GMDS: variants seen among roughly 807,000 people sequenced by gnomAD.
GMDS encodes the protein GDP-mannose 4,6 dehydratase.
A neutral mutation model predicts 49.9 loss-of-function variants in GMDS; 20 were observed. That is an observed-to-expected ratio of 0.40 (90% CI 0.28 to 0.58). The LOEUF (loss-of-function observed/expected upper bound fraction) is 0.58. Among genes scored for constraint, GMDS ranks in the 20% least tolerant of loss-of-function variants. The pLI, the probability that GMDS is intolerant of heterozygous loss-of-function variation, is 0.42. For missense variants in GMDS, 362 were observed against 481.4 expected, an observed-to-expected ratio of 0.75 and a Z score of 2.32; for synonymous variants, 177 against 178.6, an observed-to-expected ratio of 0.99 and a Z score of 0.07.
intron 7 of GMDS, among the ~76,000 whole-genome samples, chr6:1,871,979 T>G (rs1758783170): frequency 6.6e-6 from 1 of 152,250 alleles, no homozygotes; most frequent in Non-Finnish European, 1.5e-5. Flanking sequence ...AGATTATTTA[T>G]TAGGCAAGAG....
intron 7 of GMDS, among the ~76,000 whole-genome samples, chr6:1,878,229 G>A (rs574665263): frequency 2.7e-4 from 40 of 150,126 alleles, no homozygotes; most frequent in South Asian, 8.4e-4. Flanking sequence ...GCAGGAGAAC[G>A]GCATGAACCT....
chr6:2,017,194 G>A (rs1019959872), intron 4 of GMDS, among the ~76,000 whole-genome samples: 2 of 152,106 alleles, frequency 1.3e-5, no homozygotes, highest in Admixed American at 1.3e-4. Context: ...TGGAGGAGAG[G>A]AGCGTGGACA....
intron 6 of GMDS, among the ~76,000 whole-genome samples, chr6:1,937,994 C>T: frequency 6.6e-6 from 1 of 151,962 alleles, no homozygotes; most frequent in Non-Finnish European, 1.5e-5. Flanking sequence ...TAGCAAGACC[C>T]CTTCTCTACT....
chr6:2,059,689 C>G (rs1265893866), intron 4 of GMDS, among the ~76,000 whole-genome samples: 1 of 50,412 alleles, frequency 2.0e-5, no homozygotes, highest in African/African-American at 8.5e-5. Flanking sequence ...GCCTGGGCGA[C>G]AGAGCGAGAC....
chr6:2,103,164 T>C (rs1037410047), intron 4 of GMDS, among the ~76,000 whole-genome samples: 1 of 152,182 alleles, frequency 6.6e-6, no homozygotes, highest in African/African-American at 2.4e-5. Context: ...AACCACCTTA[T>C]ACCCTCGCAA....
chr6:1,624,609 C>A, intron 9 of GMDS, 69 bp from the exon 10 acceptor site: 1 of 1,083,168 alleles, frequency 9.2e-7, no homozygotes, highest in Non-Finnish European at 1.4e-6. Flanking sequence ...TCCCGAGCCC[C>A]GGGAACTCCC....
intron 7 of GMDS, among the ~76,000 whole-genome samples, chr6:1,840,166 T>G (rs948388481): frequency 1.4e-4 from 22 of 152,182 alleles, no homozygotes; most frequent in Admixed American, 4.6e-4. Context: ...AAAGATGGGC[T>G]AGAAAGGGCC....
At chr6:1,891,125 T>C (rs998966658) in intron 7 of GMDS, among the ~76,000 whole-genome samples, 6 of 152,378 alleles carry the variant, frequency 3.9e-5, no homozygotes, top group Non-Finnish European at 8.8e-5. Context: ...AAGCCATCTT[T>C]GATTCGTTCC....
At chr6:1,961,133 A>G (rs756618270) in intron 4 of GMDS, among the ~76,000 whole-genome samples, 167 bp from the exon 5 acceptor site, 2 of 152,244 alleles carry the variant, frequency 1.3e-5, no homozygotes, top group African/African-American at 4.8e-5. Flanking sequence ...ACAGTATCAA[A>G]TTGCTAAAAA....
At chr6:1,775,716 A>G (rs1020620922) in intron 7 of GMDS, among the ~76,000 whole-genome samples, 2 of 152,178 alleles carry the variant, frequency 1.3e-5, no homozygotes, top group Non-Finnish European at 2.9e-5. Context: ...AATGCAATGA[A>G]AGTTTTTTGT....
chr6:1,993,488 A>G (rs2127367079), intron 4 of GMDS, among the ~76,000 whole-genome samples: 1 of 152,334 alleles, frequency 6.6e-6, no homozygotes, highest in African/African-American at 2.4e-5. Flanking sequence ...TAGATGCTCA[A>G]TAAACCTCTG....
intron 7 of GMDS, among the ~76,000 whole-genome samples, chr6:1,824,950 C>T (rs1039469684): frequency 6.6e-5 from 10 of 152,170 alleles, no homozygotes; most frequent in Admixed American, 2.0e-4. Context: ...ATTTAAATCA[C>T]CTCGGGCACC....
Position 1,878,089 on chromosome 6 carries a change from A to G in GMDS, c.771+52014T>C, listed in dbSNP as rs185107034. Among the ~76,000 whole-genome samples the G allele has an allele frequency of 5.4e-3, 819 of 152,188 alleles. 7 individuals carry two copies. Among genetic ancestry groups the G allele is most frequent in the African/African-American group, 0.018 (752 of 41,510 alleles). ...AGCACTCTGGGAGGCCGAGGTGGGC[A>G]GATCACGAAGTCAGGAGATCGAGAC... On this transcript the variant is annotated intron_variant, in intron 7 of 10. Transcript: ENST00000380815.
At chr6:2,178,701 T>A (rs1261173989) in intron 1 of GMDS, among the ~76,000 whole-genome samples, 1 of 152,180 alleles carries the variant, frequency 6.6e-6, no homozygotes, top group Non-Finnish European at 1.5e-5. Context: ...CACACCTGTG[T>A]ATGTACTCCA....
intron 4 of GMDS, among the ~76,000 whole-genome samples, chr6:2,053,212 T>C (rs1293780172): frequency 6.6e-6 from 1 of 152,182 alleles, no homozygotes; most frequent in Non-Finnish European, 1.5e-5. Flanking sequence ...AAAATAGGCC[T>C]TATATAAAAT....
intron 9 of GMDS, among the ~76,000 whole-genome samples, chr6:1,712,361 C>T (rs750500417): frequency 1.4e-4 from 22 of 152,172 alleles, no homozygotes; most frequent in Non-Finnish European, 2.5e-4. Context: ...GCTGAGATGA[C>T]GTGTAAAGTA....
intron 9 of GMDS, among the ~76,000 whole-genome samples, chr6:1,684,432 C>A (rs529227533): frequency 6.6e-6 from 1 of 152,294 alleles, no homozygotes; most frequent in South Asian, 2.1e-4. Context: ...GTATCATCCC[C>A]AAAGGAAACA....
intron 9 of GMDS, among the ~76,000 whole-genome samples, chr6:1,711,959 G>A (rs925217692): frequency 7.9e-5 from 12 of 152,048 alleles, no homozygotes; most frequent in African/African-American, 2.7e-4. Context: ...AGCCCCATCC[G>A]GCCCCTCGCC....
chr6:1,636,491 A>C (rs2113167591), intron 9 of GMDS, among the ~76,000 whole-genome samples: 1 of 152,350 alleles, frequency 6.6e-6, no homozygotes, highest in East Asian at 1.9e-4. Context: ...TTATACAAGG[A>C]AGCGTGCAGC....
Sources: gnomAD v4.1 joint callset for allele counts (sites outside exome capture counted in the v4.1 genomes callset) on GRCh38, gnomAD v4.1.1 for gene constraint, MANE v1.5 for transcripts, NCBI Gene and HGNC (gene_info 2026-07-23, HGNC 2026-07-21) for gene names.